ANKS1B: variants seen among roughly 807,000 people sequenced by gnomAD.
ANKS1B encodes the protein ankyrin repeat and sterile alpha motif domain containing 1B.
A neutral mutation model predicts 148.3 loss-of-function variants in ANKS1B; 36 were observed. The observed-to-expected ratio is 0.24, with a 90% CI of 0.19 to 0.32. ANKS1B has a LOEUF of 0.32. Among genes scored for constraint, ANKS1B ranks in the 10% least tolerant of loss-of-function variants. The pLI, the probability that ANKS1B is intolerant of heterozygous loss-of-function variation, is 1.00. For synonymous variants in ANKS1B, 542 were observed against 560.8 expected, an observed-to-expected ratio of 0.97 and a Z score of 0.47; for missense variants, 1,157 against 1,542.6, an observed-to-expected ratio of 0.75 and a Z score of 4.19.
intron 1 of ANKS1B, among the ~76,000 whole-genome samples, chr12:99,862,482 T>C (rs1353936806): frequency 1.3e-5 from 2 of 152,212 alleles, no homozygotes; most frequent in African/African-American, 4.8e-5. Context: ...AAATACTTCT[T>C]ATGTTTGTCT....
Position 98,789,760 on chromosome 12 carries a change from G to A in ANKS1B, c.3343-7623C>T, listed in dbSNP as rs551486562. Among the ~76,000 whole-genome samples, 7 of 152,290 alleles carry A rather than the reference G, an allele frequency of 4.6e-5. No individual in the cohort carries two copies. In the South Asian group the frequency reaches 6.2e-4, roughly 14 times the overall value. On this transcript the variant is annotated intron_variant, in intron 22 of 26. Transcript: ENST00000683438. The stretch of plus-strand genomic sequence containing the variant: ...AAGGAGAACTGGTTAAATAAATTTG[G>A]TTCAACTATGGATTGGAATATTGTA...
intron 9 of ANKS1B, among the ~76,000 whole-genome samples, chr12:99,521,368 G>C (rs553735463): frequency 6.6e-6 from 1 of 152,210 alleles, no homozygotes; most frequent in East Asian, 1.9e-4. Context: ...ATGTACCTCT[G>C]TTTCTCCAGG....
intron 12 of ANKS1B, among the ~76,000 whole-genome samples, chr12:99,282,505 G>C (rs1006751593): frequency 2.0e-5 from 3 of 152,168 alleles, no homozygotes; most frequent in Non-Finnish European, 2.9e-5. Context: ...TGTGCGAATA[G>C]ACTGTAGGGA....
chr12:99,766,969 G>A (rs1192313488), intron 8 of ANKS1B, among the ~76,000 whole-genome samples: 3 of 151,978 alleles, frequency 2.0e-5, no homozygotes, highest in African/African-American at 7.2e-5. Flanking sequence ...ACACCATTTG[G>A]TTTTTAGGCA....
At chr12:99,427,766 C>A (rs1162602052) in intron 11 of ANKS1B, among the ~76,000 whole-genome samples, 9 of 152,126 alleles carry the variant, frequency 5.9e-5, no homozygotes, top group Admixed American at 1.3e-4. Context: ...TGAATAAGGG[C>A]ATCTCAGTGA....
At chr12:98,753,309 G>C (rs1424144689) in intron 25 of ANKS1B, among the ~76,000 whole-genome samples, 1 of 152,136 alleles carries the variant, frequency 6.6e-6, no homozygotes, top group East Asian at 1.9e-4. Context: ...AAAGAGGCAG[G>C]GTGGCCACCA....
At chr12:98,916,323 T>G (rs189118001) in intron 17 of ANKS1B, among the ~76,000 whole-genome samples, 1 of 152,314 alleles carries the variant, frequency 6.6e-6, no homozygotes, top group East Asian at 1.9e-4. Context: ...ACATCACAAT[T>G]AAATCAGCTT....
At chr12:99,779,399 G>A (rs2064018162) in intron 6 of ANKS1B, among the ~76,000 whole-genome samples, 1 of 152,116 alleles carries the variant, frequency 6.6e-6, no homozygotes, top group South Asian at 2.1e-4. Flanking sequence ...ACATGAATTT[G>A]AACAAATCAA....
chr12:99,669,244 C>A (rs1254719005), intron 8 of ANKS1B, among the ~76,000 whole-genome samples: 1 of 152,116 alleles, frequency 6.6e-6, no homozygotes, highest in Non-Finnish European at 1.5e-5. Context: ...AATCATAGCT[C>A]ACTGCAGCCT....
chr12:99,928,274 T>TTTA (rs560375736), intron 1 of ANKS1B, among the ~76,000 whole-genome samples: 42 of 82,622 alleles, frequency 5.1e-4, no homozygotes, highest in Non-Finnish European at 7.0e-4. Context: ...TTATTTTATT[T>TTTA]TTTTTTTTTT....
intron 6 of ANKS1B, among the ~76,000 whole-genome samples, chr12:99,777,729 C>T (rs1295398638): frequency 2.0e-5 from 3 of 151,904 alleles, no homozygotes; most frequent in Admixed American, 6.5e-5. Context: ...GGACTACAGG[C>T]GCCCACCACC....
chr12:98,802,465 G>T (rs2099011567), intron 20 of ANKS1B, among the ~76,000 whole-genome samples: 1 of 151,982 alleles, frequency 6.6e-6, no homozygotes, highest in Admixed American at 6.6e-5. Flanking sequence ...GCGTACATAG[G>T]GTGCATATTT....
intron 17 of ANKS1B, among the ~76,000 whole-genome samples, chr12:98,990,568 A>C (rs189839727): frequency 7.5e-6 from 1 of 133,336 alleles, no homozygotes; most frequent in South Asian, 2.4e-4. Flanking sequence ...GAGAGAGAGA[A>C]AAAAAAAAAA....
intron 24 of ANKS1B, among the ~76,000 whole-genome samples, chr12:98,777,011 C>T (rs796863052): frequency 3.9e-5 from 6 of 152,136 alleles, no homozygotes; most frequent in African/African-American, 7.2e-5. Context: ...GGCAATATAG[C>T]GAGATCCCAT....
At chr12:99,978,195 C>T (rs1466858536) in intron 1 of ANKS1B, among the ~76,000 whole-genome samples, 1 of 152,166 alleles carries the variant, frequency 6.6e-6, no homozygotes, top group African/African-American at 2.4e-5. Flanking sequence ...TATGCTTCTG[C>T]CTTAATGTCA....
At chr12:99,762,123 C>A (rs1337308230) in intron 8 of ANKS1B, among the ~76,000 whole-genome samples, 1 of 152,022 alleles carries the variant, frequency 6.6e-6, no homozygotes, top group African/African-American at 2.4e-5. Context: ...CCACACTACC[C>A]AAAGCAATCT....
intron 8 of ANKS1B, among the ~76,000 whole-genome samples, chr12:99,724,362 G>C (rs7956835): frequency 0.21 from 32,276 of 152,104 alleles, 3,630 homozygotes; most frequent in Middle Eastern, 0.24. Flanking sequence ...GAAGCATACA[G>C]AAGTATCAAT....
At chr12:99,694,774 AG>A (rs1363107640) in intron 8 of ANKS1B, among the ~76,000 whole-genome samples, 1 of 152,218 alleles carries the variant, frequency 6.6e-6, no homozygotes, top group Non-Finnish European at 1.5e-5. Context: ...GACCATAAAA[AG>A]ATCTTACATG....
Position 98,745,531 on chromosome 12 carries a change from A to T in ANKS1B, c.*208T>A. The T allele has an allele frequency of 7.5e-7, 1 of 1,330,460 alleles. No individual in the cohort carries two copies. The highest frequency in any genetic ancestry group is 3.2e-5 in the East Asian group (1 of 31,000). The allele number at this position is 1,330,460 out of a possible 1,614,324, so 82.4% of individuals were successfully genotyped here. ...AAACCCATCTCAACTCACGCCTCTC[A>T]GGGGTTGCGACTGGAAAGTCTTGCG... On this transcript the variant is annotated 3_prime_UTR_variant, in exon 27 of 27. Coordinates refer to ENST00000683438, the MANE Select transcript of ANKS1B (RefSeq NM_001352186.2).
Sources: allele counts gnomAD v4.1 joint callset (sites outside exome capture counted in the v4.1 genomes callset), GRCh38; gene constraint gnomAD v4.1.1; transcripts MANE v1.5; gene names NCBI Gene and HGNC (gene_info 2026-07-23, HGNC 2026-07-21).